EYA2: variants seen among roughly 807,000 people sequenced by gnomAD.
The protein encoded by EYA2 is protein phosphatase EYA2.
A neutral mutation model predicts 69.2 loss-of-function variants in EYA2; 31 were observed. The observed-to-expected ratio is 0.45, with a 90% CI of 0.34 to 0.60. EYA2 has a LOEUF of 0.60. Ranked by LOEUF, EYA2 falls within the 20% of genes least tolerant of loss-of-function variation. The pLI, the probability that EYA2 is intolerant of heterozygous loss-of-function variation, is 0.02. For missense variants in EYA2, 622 were observed against 701.2 expected, an observed-to-expected ratio of 0.89 and a Z score of 1.28; for synonymous variants, 257 against 279.4, an observed-to-expected ratio of 0.92 and a Z score of 0.80.
rs191705108 is a variant in EYA2 at position 47,171,693 on chromosome 20, A to G, written c.1038-1014A>G. Among the ~76,000 whole-genome samples, 40 of 152,232 alleles carry G rather than the reference A, an allele frequency of 2.6e-4. No individual in the cohort carries two copies. In the East Asian group the frequency reaches 3.5e-3, roughly 13 times the overall value. On this transcript the variant is annotated intron_variant, in intron 11 of 15. Coordinates refer to ENST00000327619, the MANE Select transcript of EYA2 (RefSeq NM_005244.5). Reference sequence around the variant, plus strand: ...CAAGCTCTTAACAGATCCTCTGTCCATCCTGGACACTGGTTCCTGCCCTCC... The same window carrying G: ...CAAGCTCTTAACAGATCCTCTGTCCGTCCTGGACACTGGTTCCTGCCCTCC...
intron 9 of EYA2, among the ~76,000 whole-genome samples, chr20:47,110,280 G>C (rs756938642): frequency 1.7e-4 from 26 of 152,152 alleles, no homozygotes; most frequent in Non-Finnish European, 2.9e-4. Context: ...GTCTCACTCT[G>C]TCACTCGCTG....
chr20:47,112,924 T>G (rs2032789286), intron 9 of EYA2, among the ~76,000 whole-genome samples: 1 of 128,270 alleles, frequency 7.8e-6, no homozygotes, highest in Non-Finnish European at 1.6e-5. Context: ...CGGGCTGGAG[T>G]GCAGTGGTGA....
intron 1 of EYA2, among the ~76,000 whole-genome samples, chr20:46,958,526 G>A (rs1362811326): frequency 6.6e-6 from 1 of 152,188 alleles, no homozygotes; most frequent in Non-Finnish European, 1.5e-5. Flanking sequence ...GGAAATGAGA[G>A]ACAACTTGTC....
At chr20:47,102,146 C>T (rs1394054391) in intron 9 of EYA2, among the ~76,000 whole-genome samples, 1 of 152,150 alleles carries the variant, frequency 6.6e-6, no homozygotes, top group Non-Finnish European at 1.5e-5. Context: ...GTGGTAACTC[C>T]CTCTCAGCAA....
In EYA2 at chr20:47,188,264, C is replaced by G; in HGVS notation, c.*131C>G. ...GGCCCCACAGCCGAGACGACGTGTC[C>G]AGTGACCATCTCAGAAGCCGTCCAT... On this transcript the variant is annotated 3_prime_UTR_variant, in exon 16 of 16. Coordinates refer to ENST00000327619, the MANE Select transcript of EYA2 (RefSeq NM_005244.5). 1 of 770,828 alleles carries G rather than the reference C, an allele frequency of 1.3e-6. No homozygotes were observed. 47.7% of individuals were successfully genotyped at this position (770,828 alleles called of 1,614,324 possible).
chr20:47,035,135 G>A (rs1328146913), intron 5 of EYA2, among the ~76,000 whole-genome samples: 1 of 152,206 alleles, frequency 6.6e-6, no homozygotes, highest in Non-Finnish European at 1.5e-5. Context: ...CCCTGGCTGA[G>A]CTGCAAGAGG....
intron 3 of EYA2, among the ~76,000 whole-genome samples, chr20:47,003,483 C>T (rs996089020): frequency 1.3e-5 from 2 of 152,222 alleles, no homozygotes; most frequent in Non-Finnish European, 2.9e-5. Context: ...ACCACACAGG[C>T]GTGCAGACCC....
chr20:47,097,061 T>C, intron 8 of EYA2, 24 bp from the exon 9 acceptor site: 1 of 1,592,248 alleles, frequency 6.3e-7, no homozygotes, highest in Middle Eastern at 1.7e-4. Context: ...TTTTTCTCCA[T>C]TCTCTTCCTC....
chr20:46,996,523 C>T (rs1204784907), intron 2 of EYA2, among the ~76,000 whole-genome samples: 1 of 152,170 alleles, frequency 6.6e-6, no homozygotes, highest in Non-Finnish European at 1.5e-5. Flanking sequence ...GTTCCAGGTG[C>T]ACTGGTCTCA....
chr20:46,999,718 T>G (rs952182487), intron 2 of EYA2, among the ~76,000 whole-genome samples: 1 of 152,188 alleles, frequency 6.6e-6, no homozygotes, highest in African/African-American at 2.4e-5. Flanking sequence ...AGAATTTGGC[T>G]CAGCCAGGGG....
At chr20:46,973,415 G>C (rs545804570) in intron 1 of EYA2, among the ~76,000 whole-genome samples, 1 of 152,172 alleles carries the variant, frequency 6.6e-6, no homozygotes, top group East Asian at 1.9e-4. Context: ...TTTAGATTCC[G>C]TATCTTACAA....
chr20:47,166,834 C>G (rs2034207894), intron 10 of EYA2: 1 of 152,292 alleles, frequency 6.6e-6, no homozygotes, highest in Non-Finnish European at 1.5e-5. Context: ...GCCCCTCACT[C>G]AAGGTCACAC....
In EYA2 at chr20:47,098,426, C is replaced by T. The variant is rs973135065; in HGVS notation, c.888+1258C>T. On this transcript the variant is annotated intron_variant, in intron 9 of 15. Transcript: ENST00000327619. Reference sequence around the variant, plus strand: ...AAAGTCACCTCCCCTGAGACACAGGCACTCACTCATCTTGCCCTTAGAGGC... The same window carrying T: ...AAAGTCACCTCCCCTGAGACACAGGTACTCACTCATCTTGCCCTTAGAGGC... Among the ~76,000 whole-genome samples, 3 of 152,264 alleles carry T rather than the reference C, an allele frequency of 2.0e-5. No individual in the cohort carries two copies. In the South Asian group the frequency reaches 6.2e-4, roughly 31 times the overall value.
intron 1 of EYA2, among the ~76,000 whole-genome samples, chr20:46,971,109 G>GCACA (rs1313542750): frequency 2.5e-4 from 33 of 131,302 alleles, no homozygotes; most frequent in Non-Finnish European, 4.5e-4. Context: ...ACACACACAT[G>GCACA]CACACACACG....
chr20:46,924,955 G>T (rs554989963), intron 1 of EYA2, among the ~76,000 whole-genome samples: 3 of 152,184 alleles, frequency 2.0e-5, no homozygotes, highest in Non-Finnish European at 4.4e-5. Context: ...CAGAGAGCCT[G>T]CAAGGTGTTA....
intron 1 of EYA2, among the ~76,000 whole-genome samples, chr20:46,972,245 C>T (rs1447910094): frequency 6.6e-6 from 1 of 152,106 alleles, no homozygotes; most frequent in Non-Finnish European, 1.5e-5. Flanking sequence ...GCAGGAGAAG[C>T]TATAAGAACA....
chr20:47,180,236 G>C (rs1408806345), intron 13 of EYA2, among the ~76,000 whole-genome samples: 1 of 151,982 alleles, frequency 6.6e-6, no homozygotes, highest in Non-Finnish European at 1.5e-5. Flanking sequence ...TCACCATGTT[G>C]GCCAGGCTTG....
intron 1 of EYA2, among the ~76,000 whole-genome samples, chr20:46,913,536 A>G (rs922525835): frequency 6.6e-6 from 1 of 152,168 alleles, no homozygotes; most frequent in African/African-American, 2.4e-5. Context: ...AAGAGAACAG[A>G]CTGCAGGGGT....
chr20:47,176,375 C>T (rs1044592882), intron 12 of EYA2, among the ~76,000 whole-genome samples: 6 of 143,488 alleles, frequency 4.2e-5, no homozygotes, highest in East Asian at 2.0e-4. Context: ...CCACCATGCC[C>T]GGCTTTAAAT....
Sources: gnomAD v4.1 joint callset for allele counts (sites outside exome capture counted in the v4.1 genomes callset) on GRCh38, gnomAD v4.1.1 for gene constraint, MANE v1.5 for transcripts, NCBI Gene and HGNC (gene_info 2026-07-23, HGNC 2026-07-21) for gene names.